SRD5A2: variants seen among roughly 807,000 people sequenced by gnomAD.
SRD5A2 encodes 3-oxo-5-alpha-steroid 4-dehydrogenase 2.
A neutral mutation model predicts 27.4 loss-of-function variants in SRD5A2; 30 were observed. The observed-to-expected ratio is 1.10, with a 90% CI of 0.82 to 1.49. The LOEUF is 1.49. SRD5A2 is among the 40% of genes most tolerant of loss of function. SRD5A2 has a pLI of 0.00. For synonymous variants in SRD5A2, 141 were observed against 133.6 expected (o/e 1.06, Z -0.38); for missense variants, 348 against 323.4 (o/e 1.08, Z -0.58).
At chr2:31,611,609 A>G in the SRD5A2 span, among the ~76,000 whole-genome samples, 2 of 152,214 alleles carry the variant, frequency 1.3e-5, no homozygotes, top group Non-Finnish European at 2.9e-5. Flanking sequence ...CATAATCCTG[A>G]AACTGCAAAT....
chr2:31,527,442 A>G (rs1262337336), intron 4 of SRD5A2: 1 of 152,242 alleles, frequency 6.6e-6, no homozygotes, highest in Non-Finnish European at 1.5e-5. Context: ...TGTTTTATAG[A>G]AGCCTTCACA....
At position 31,559,836 on chromosome 2, in the gene SRD5A2, C is replaced by CAACACACACACACA. The variant is rs70964719; in HGVS notation, c.281+20783_281+20784insTGTGTGTGTGTGTT. Among the ~76,000 whole-genome samples, 344 of 63,762 alleles carry CAACACACACACACA rather than the reference C, an allele frequency of 5.4e-3. 8 individuals carry two copies. Among genetic ancestry groups the CAACACACACACACA allele is most frequent in the African/African-American group, 0.015 (329 of 22,152 alleles). 41.8% of individuals were successfully genotyped at this position (63,762 alleles called of 152,430 possible). On this transcript the variant is annotated intron_variant, in intron 1 of 4. Transcript: ENST00000622030. The stretch of plus-strand genomic sequence containing the variant: ...TGCCCATAAGTAAAAGTAAACAAAC[C>CAACACACACACACA]CACACACACACACACACACACACAC...
At chr2:31,650,953 T>C in the SRD5A2 span, among the ~76,000 whole-genome samples, 1 of 151,970 alleles carries the variant, frequency 6.6e-6, no homozygotes, top group Non-Finnish European at 1.5e-5. Flanking sequence ...AATAATGAGA[T>C]TTGTGGGCAT....
chr2:31,599,231 C>T, the SRD5A2 span, among the ~76,000 whole-genome samples: 1 of 152,028 alleles, frequency 6.6e-6, no homozygotes, highest in Non-Finnish European at 1.5e-5. Context: ...TAGCACCCCA[C>T]TTTCAGCATT....
chr2:31,634,525 T>A, the SRD5A2 span, among the ~76,000 whole-genome samples: 4 of 152,054 alleles, frequency 2.6e-5, no homozygotes, highest in Non-Finnish European at 5.9e-5. Context: ...AGAACCAGAA[T>A]CAAAACAAAT....
the SRD5A2 span, among the ~76,000 whole-genome samples, chr2:31,657,698 T>C: frequency 3.3e-4 from 50 of 152,292 alleles, no homozygotes; most frequent in African/African-American, 1.1e-3. Context: ...ATTCTTACTT[T>C]ACCATTACAA....
the SRD5A2 span, among the ~76,000 whole-genome samples, chr2:31,591,788 G>GA: frequency 3.7e-5 from 2 of 54,534 alleles, no homozygotes; most frequent in Non-Finnish European, 6.9e-5. Context: ...TCCTTTGTNA[G>GA]GNCATGGATG....
chr2:31,552,296 C>G (rs1666396371), intron 1 of SRD5A2, among the ~76,000 whole-genome samples: 1 of 151,026 alleles, frequency 6.6e-6, no homozygotes, highest in Non-Finnish European at 1.5e-5. Flanking sequence ...CAGCCTCTCC[C>G]CAAAGCCAGC....
the SRD5A2 span, among the ~76,000 whole-genome samples, chr2:31,612,022 A>G: frequency 8.5e-5 from 13 of 152,186 alleles, no homozygotes; most frequent in Non-Finnish European, 1.6e-4. Context: ...TCATTCCTGT[A>G]ATCCCAGCAC....
At chr2:31,647,941 C>T in the SRD5A2 span, among the ~76,000 whole-genome samples, 1 of 152,128 alleles carries the variant, frequency 6.6e-6, no homozygotes, top group African/African-American at 2.4e-5. Context: ...TGCTAAATAA[C>T]CTTGCATGTG....
In SRD5A2 at chr2:31,580,756, C is replaced by T. The variant is rs9282858; in HGVS notation, c.145G>A (p.Ala49Thr). 47,927 of 1,610,538 alleles carry T rather than the reference C, an allele frequency of 0.03. 914 individuals carry two copies. Among genetic ancestry groups the T allele is most frequent in the Non-Finnish European group, 0.037 (43,240 of 1,179,574 alleles). Residue 49 changes from alanine to threonine, a missense_variant, in exon 1 of 5, where the codon GCC becomes ACC. Coordinates refer to ENST00000622030, the MANE Select transcript of SRD5A2 (RefSeq NM_000348.4). ...SLKPAATRLP[A>T]RAAWFLQELP... ...TCCTGCAGGAACCAGGCGGCGCGGGCTGGCAGGCGGGTAGCCGCCGGCTTC... is the reference window on the plus strand; with the variant it reads ...TCCTGCAGGAACCAGGCGGCGCGGGTTGGCAGGCGGGTAGCCGCCGGCTTC...
At chr2:31,626,285 C>T in the SRD5A2 span, among the ~76,000 whole-genome samples, 4 of 152,136 alleles carry the variant, frequency 2.6e-5, no homozygotes, top group African/African-American at 7.2e-5. Flanking sequence ...TCTAAATATG[C>T]AATCATGTCA....
rs1667066366 is a variant in SRD5A2 at position 31,580,806 on chromosome 2, CCGGAGGGCTTCGCG to C, written c.81_94del (p.Ala28LeufsTer103). ...CAGGCTCTCCGTGTGCTTCCCGTAG[CCGGAGGGCTTCGCG>C]ACGTACAAGGCCAGTGCCCCAAGGG... On this transcript the variant is annotated frameshift_variant, in exon 1 of 5. Coordinates refer to ENST00000622030, the MANE Select transcript of SRD5A2 (RefSeq NM_000348.4). LOFTEE classifies it high-confidence loss of function. 4.3e-6 allele frequency: 7 copies of C among 1,612,518 alleles called. No individual in the cohort carries two copies. The South Asian group carries it at 7.7e-5, about 18-fold the overall frequency.
At chr2:31,633,446 C>A in the SRD5A2 span, among the ~76,000 whole-genome samples, 3 of 152,270 alleles carry the variant, frequency 2.0e-5, no homozygotes, top group East Asian at 5.8e-4. Context: ...GCACTGCAGG[C>A]CATTTCAATC....
chr2:31,629,059 C>T, the SRD5A2 span, among the ~76,000 whole-genome samples: 1 of 152,224 alleles, frequency 6.6e-6, no homozygotes, highest in South Asian at 2.1e-4. Context: ...CTTGTTTAAA[C>T]TAGGGTGGTG....
the SRD5A2 span, among the ~76,000 whole-genome samples, chr2:31,658,061 C>T: frequency 6.6e-6 from 1 of 152,120 alleles, no homozygotes; most frequent in Non-Finnish European, 1.5e-5. Flanking sequence ...AGAGAACCAG[C>T]TTCTGTAGAA....
At chr2:31,618,482 T>A in the SRD5A2 span, among the ~76,000 whole-genome samples, 1 of 152,132 alleles carries the variant, frequency 6.6e-6, no homozygotes, top group Admixed American at 6.6e-5. Flanking sequence ...CACAATGGAA[T>A]ACTAAACAGC....
chr2:31,593,984 C>T, the SRD5A2 span, among the ~76,000 whole-genome samples: 1 of 152,148 alleles, frequency 6.6e-6, no homozygotes, highest in African/African-American at 2.4e-5. Context: ...CTTTTCCAAA[C>T]AAATGCTGAG....
chr2:31,612,749 C>A, the SRD5A2 span, among the ~76,000 whole-genome samples: 3 of 152,264 alleles, frequency 2.0e-5, no homozygotes, highest in African/African-American at 7.2e-5. Context: ...AAGGATCACA[C>A]TGACAGATTT....
Sources: gnomAD v4.1 joint callset for allele counts (sites outside exome capture counted in the v4.1 genomes callset) on GRCh38, gnomAD v4.1.1 for gene constraint, MANE v1.5 for transcripts, NCBI Gene and HGNC (gene_info 2026-07-23, HGNC 2026-07-21) for gene names.